The following PUS7 variants were observed in gnomAD, a reference collection of about 807,000 sequenced individuals.
PUS7 encodes the protein pseudouridine synthase 7, also known as pseudouridylate synthase 7 homolog.
Under a neutral mutation model 79.8 loss-of-function variants are expected in PUS7, and 48 were observed. The ratio of observed to expected loss-of-function variants is 0.60; its 90% CI spans 0.48 to 0.76. PUS7 has a LOEUF of 0.76. Among genes scored for constraint, PUS7 ranks in the 30% least tolerant of loss-of-function variants. The probability of loss-of-function intolerance (pLI) is 0.00; values close to 1 mark genes in which losing one functional copy is unlikely to be tolerated. For synonymous variants in PUS7, 286 were observed against 272.2 expected, an observed-to-expected ratio of 1.05 and a Z score of -0.50; for missense variants, 729 against 797.6, an observed-to-expected ratio of 0.91 and a Z score of 1.04.
intron 7 of PUS7, among the ~76,000 whole-genome samples, chr7:105,490,879 G>T (rs1824753182): frequency 1.3e-5 from 2 of 152,132 alleles, no homozygotes; most frequent in Non-Finnish European, 2.9e-5. Flanking sequence ...TATCATAACT[G>T]GGCAAGGAGT....
At chr7:105,473,822 G>C (rs754539447) in intron 9 of PUS7, among the ~76,000 whole-genome samples, 8 of 152,194 alleles carry the variant, frequency 5.3e-5, no homozygotes, top group Non-Finnish European at 7.4e-5. Flanking sequence ...CCAAAGTGCA[G>C]GGATTATAGG....
At chr7:105,521,064 T>C (rs1826089020) in intron 1 of PUS7, among the ~76,000 whole-genome samples, 1 of 151,338 alleles carries the variant, frequency 6.6e-6, no homozygotes, top group South Asian at 2.1e-4. Context: ...CAAGGAGTTG[T>C]TAAGTACGTA....
At chr7:105,518,830 G>A (rs818625) in intron 1 of PUS7, among the ~76,000 whole-genome samples, 18,918 of 151,858 alleles carry the variant, frequency 0.12, 1,579 homozygotes, top group African/African-American at 0.24. Flanking sequence ...GTGCAGTGGC[G>A]CAATCTCGGC....
chr7:105,481,106 T>G lies in PUS7; in HGVS notation c.1121A>C (p.Tyr374Ser). ...GGTTCCAAATCTTTGCATTCCATAG[T>G]AGTTAATAAATCCAATCTCCTTGAG... ...NSLKEIGFIN[Y>S]YGMQRFGTTA... The change falls in exon 9 of 16, where the codon TAC becomes TCC. Residue 374 changes from tyrosine to serine, a missense_variant. Physicochemically the swap from Tyr to Ser is moderately radical, Grantham distance 144. Transcript: ENST00000469408. 1.9e-6 allele frequency: 3 copies of G among 1,612,930 alleles called. No homozygotes were observed. The highest frequency in any genetic ancestry group is 8.5e-7 in the Non-Finnish European group (1 of 1,179,206).
chr7:105,467,034 G>GTTTTTTTTTTTTTTTTTTT (rs56177512), intron 12 of PUS7, among the ~76,000 whole-genome samples: 1 of 70,698 alleles, frequency 1.4e-5, no homozygotes, highest in African/African-American at 4.8e-5. Flanking sequence ...AGTTTTTTCT[G>GTTTTTTTTTTTTTTTTTTT]TTTTTTTTTT....
intron 14 of PUS7, among the ~76,000 whole-genome samples, chr7:105,460,198 A>G (rs1823363575): frequency 6.6e-6 from 1 of 152,016 alleles, no homozygotes; most frequent in Non-Finnish European, 1.5e-5. Context: ...TCGGCCTCCC[A>G]AAGTGCTGGG....
At position 105,506,219 on chromosome 7, in the gene PUS7, C is replaced by T. The variant is rs1825450957; in HGVS notation, c.453G>A (p.Leu151=). The change falls in exon 3 of 16, where the codon TTG becomes TTA. Residue 151 remains leucine, a synonymous_variant. Transcript: ENST00000469408. ...EIGKDGRISH[L]NDLSIPVDEE... ...CATCCACTGGAATGGACAAGTCATT[C>T]AAATGGCTGATCCGTCCATCTTTTC... The T allele has an allele frequency of 6.2e-7, 1 of 1,613,488 alleles. No individual in the cohort carries two copies.
At chr7:105,475,917 A>C (rs1824089475) in intron 9 of PUS7, among the ~76,000 whole-genome samples, 1 of 151,974 alleles carries the variant, frequency 6.6e-6, no homozygotes. Context: ...TACTCTAGGA[A>C]CCTCATATAA....
chr7:105,508,827 G>A (rs1182597736), intron 1 of PUS7, among the ~76,000 whole-genome samples: 7 of 127,366 alleles, frequency 5.5e-5, no homozygotes, highest in African/African-American at 1.8e-4. Flanking sequence ...AGTTAAGATA[G>A]TGCCACTGCA....
chr7:105,498,809 T>C (rs1825137416), intron 5 of PUS7, among the ~76,000 whole-genome samples: 1 of 152,210 alleles, frequency 6.6e-6, no homozygotes. Context: ...TTTCTTTTTA[T>C]AGAGATGAGG....
At chr7:105,508,073 C>A (rs1825543253) in intron 2 of PUS7, 42 bp downstream of exon 2, 1 of 1,558,896 alleles carries the variant, frequency 6.4e-7, no homozygotes, top group African/African-American at 1.4e-5. Context: ...AAAGAAGAAA[C>A]CTAATACAAT....
chr7:105,496,204 T>C lies in PUS7; in HGVS notation c.731-951A>G, dbSNP rs1481455201. Among the ~76,000 whole-genome samples the C allele has an allele frequency of 3.7e-3, 175 of 47,616 alleles. 1 individual carries two copies. The highest frequency in any genetic ancestry group is 8.0e-3 in the Admixed American group (34 of 4,228). 31.2% of individuals were successfully genotyped at this position (47,616 alleles called of 152,430 possible). A position where few individuals can be genotyped will look rare whatever the true frequency, so the allele number is the denominator to read the frequency against. On this transcript the variant is annotated intron_variant, in intron 5 of 15. Transcript: ENST00000469408. ...ATATCTACACACACACACATATATA[T>C]ATATATATATATATATATATATAGA... is the stretch of plus-strand genomic sequence containing the variant.
intron 7 of PUS7, 107 bp from the exon 8 acceptor site, chr7:105,482,547 T>A: frequency 1.7e-6 from 2 of 1,191,622 alleles, no homozygotes; most frequent in Non-Finnish European, 2.3e-6. Context: ...ACAGCACACC[T>A]ATGACCCCCT....
At chr7:105,459,022 T>A (rs912463190) in intron 15 of PUS7, 146 bp downstream of exon 15, 1 of 483,040 alleles carries the variant, frequency 2.1e-6, no homozygotes, top group African/African-American at 2.0e-5. Context: ...CTTTCAGCCA[T>A]AATTGTGAAA....
chr7:105,460,853 C>CAG (rs1823397418), intron 14 of PUS7, among the ~76,000 whole-genome samples: 1 of 83,564 alleles, frequency 1.2e-5, no homozygotes. Flanking sequence ...GACTCCGTCT[C>CAG]AAAAAAAAAA....
Position 105,486,583 on chromosome 7 carries a change from T to C in PUS7, c.921-4143A>G, listed in dbSNP as rs920771785. On this transcript the variant is annotated intron_variant, in intron 7 of 15. Coordinates refer to ENST00000469408, the MANE Select transcript of PUS7 (RefSeq NM_019042.5). Reference sequence around the variant, plus strand: ...AAGCGGAGGATCAGTATGAACAGAGTGAGGAACGGGGGACAAAACTCCTCT... The same window carrying C: ...AAGCGGAGGATCAGTATGAACAGAGCGAGGAACGGGGGACAAAACTCCTCT... 2.6e-5 allele frequency among the ~76,000 whole-genome samples: 4 copies of C among 151,942 alleles called. No individual in the cohort carries two copies. In the South Asian group the frequency reaches 6.2e-4, roughly 24 times the overall value.
intron 7 of PUS7, among the ~76,000 whole-genome samples, chr7:105,489,065 G>A (rs1172454143): frequency 6.8e-6 from 1 of 148,006 alleles, no homozygotes; most frequent in African/African-American, 2.5e-5. Context: ...GGAGAATGGC[G>A]TGAACCCAGG....
intron 7 of PUS7, among the ~76,000 whole-genome samples, chr7:105,486,351 C>G (rs1413716452): frequency 6.6e-6 from 1 of 152,188 alleles, no homozygotes; most frequent in South Asian, 2.1e-4. Context: ...CCGCACCCAG[C>G]TGTACATATT....
intron 9 of PUS7, among the ~76,000 whole-genome samples, chr7:105,477,126 G>A (rs1010130477): frequency 2.0e-5 from 3 of 152,006 alleles, no homozygotes; most frequent in African/African-American, 7.3e-5. Context: ...TGTGCTTTTG[G>A]TCTCATATCC....
Sources: allele counts gnomAD v4.1 joint callset (sites outside exome capture counted in the v4.1 genomes callset), GRCh38; gene constraint gnomAD v4.1.1; transcripts MANE v1.5; gene names NCBI Gene and HGNC (gene_info 2026-07-23, HGNC 2026-07-21).